Variants in CDH13 observed in about 807,000 individuals in gnomAD.
The protein encoded by CDH13 is cadherin 13, also known as cadherin-13.
Under a neutral mutation model 63.8 loss-of-function variants are expected in CDH13, and 24 were observed. The observed-to-expected ratio is 0.38, with a 90% CI of 0.27 to 0.53. The LOEUF (loss-of-function observed/expected upper bound fraction) is 0.53. CDH13 is among the 20% of genes least tolerant of loss of function. The probability of loss-of-function intolerance (pLI) is 0.85; values close to 1 mark genes in which losing one functional copy is unlikely to be tolerated. For missense variants in CDH13, 1,049 were observed against 903.1 expected (o/e 1.16, Z -2.07); for synonymous variants, 503 against 355.3 (o/e 1.42, Z -4.67).
At chr16:83,207,225 C>G (rs1364795479) in intron 4 of CDH13, among the ~76,000 whole-genome samples, 1 of 152,154 alleles carries the variant, frequency 6.6e-6, no homozygotes. Flanking sequence ...AACTCTATAC[C>G]CATTAAATGC....
intron 3 of CDH13, among the ~76,000 whole-genome samples, chr16:83,124,407 C>T (rs1361413063): frequency 1.3e-5 from 2 of 152,112 alleles, no homozygotes; most frequent in Admixed American, 6.5e-5. Flanking sequence ...GGATAATAGT[C>T]CTTTGTTGAA....
chr16:83,702,036 C>G (rs1265058298), intron 10 of CDH13, among the ~76,000 whole-genome samples: 1 of 152,170 alleles, frequency 6.6e-6, no homozygotes, highest in Non-Finnish European at 1.5e-5. Flanking sequence ...AAGCTCTTAG[C>G]ACAGTGTCTG....
intron 3 of CDH13, among the ~76,000 whole-genome samples, chr16:83,077,621 G>T (rs2032941406): frequency 6.6e-6 from 1 of 152,164 alleles, no homozygotes; most frequent in Non-Finnish European, 1.5e-5. Context: ...ATTGATGGAT[G>T]TCTGAGTTGG....
chr16:83,129,021 G>A (rs916916642), intron 4 of CDH13, among the ~76,000 whole-genome samples: 7 of 152,146 alleles, frequency 4.6e-5, no homozygotes, highest in South Asian at 2.1e-4. Context: ...TTGAAGGTAC[G>A]TATTTTCCTT....
chr16:83,192,371 C>T (rs2151756819), intron 4 of CDH13, among the ~76,000 whole-genome samples: 1 of 152,186 alleles, frequency 6.6e-6, no homozygotes, highest in Non-Finnish European at 1.5e-5. Flanking sequence ...AAAGGGTCTT[C>T]TCCTGCCTTG....
chr16:82,682,501 T>C (rs1019377350), intron 1 of CDH13, among the ~76,000 whole-genome samples: 1 of 152,248 alleles, frequency 6.6e-6, no homozygotes, highest in African/African-American at 2.4e-5. Context: ...ATTACATGTA[T>C]ACATTTACTT....
intron 8 of CDH13, among the ~76,000 whole-genome samples, chr16:83,612,890 A>G (rs1908977364): frequency 6.6e-6 from 1 of 152,028 alleles, no homozygotes; most frequent in Admixed American, 6.6e-5. Context: ...TACCCTTTGT[A>G]TTATTATTTA....
At chr16:83,262,201 G>A (rs1043423621) in intron 5 of CDH13, among the ~76,000 whole-genome samples, 3 of 152,176 alleles carry the variant, frequency 2.0e-5, no homozygotes, top group East Asian at 3.9e-4. Flanking sequence ...TGGAGACCTG[G>A]GCATGAGGTT....
chr16:83,087,038 A>G (rs2033635920), intron 3 of CDH13, among the ~76,000 whole-genome samples: 1 of 152,242 alleles, frequency 6.6e-6, no homozygotes, highest in Admixed American at 6.5e-5. Flanking sequence ...AAGGCTACCA[A>G]AGAAAATCCA....
chr16:83,372,044 C>A (rs140625792), intron 6 of CDH13, among the ~76,000 whole-genome samples: 3 of 152,294 alleles, frequency 2.0e-5, no homozygotes, highest in Non-Finnish European at 2.9e-5. Context: ...TCACGAGATG[C>A]TTCCTGATTT....
At chr16:82,777,248 C>T (rs890303290) in intron 1 of CDH13, among the ~76,000 whole-genome samples, 7 of 152,200 alleles carry the variant, frequency 4.6e-5, no homozygotes, top group Non-Finnish European at 7.3e-5. Context: ...GGATTACAGG[C>T]ACGAGCCACT....
intron 2 of CDH13, among the ~76,000 whole-genome samples, chr16:83,002,222 C>A (rs991987454): frequency 6.6e-6 from 1 of 152,212 alleles, no homozygotes; most frequent in Non-Finnish European, 1.5e-5. Context: ...CCTGGATTAT[C>A]TGGGTGAGCC....
chr16:82,791,798 G>C (rs2036319139), intron 1 of CDH13, among the ~76,000 whole-genome samples: 1 of 152,144 alleles, frequency 6.6e-6, no homozygotes, highest in Non-Finnish European at 1.5e-5. Flanking sequence ...TGGGCTCCGT[G>C]GTTTTCTTCT....
At chr16:83,145,207 G>A (rs1327230384) in intron 4 of CDH13, among the ~76,000 whole-genome samples, 3 of 152,276 alleles carry the variant, frequency 2.0e-5, no homozygotes, top group Admixed American at 6.5e-5. Context: ...GGTGCCATGA[G>A]CTGCAACGCC....
At chr16:83,375,673 G>T (rs1211753475) in intron 6 of CDH13, among the ~76,000 whole-genome samples, 1 of 152,176 alleles carries the variant, frequency 6.6e-6, no homozygotes, top group Non-Finnish European at 1.5e-5. Flanking sequence ...GTGAGGCTAG[G>T]GAGAAGGCAA....
At chr16:82,879,343 G>A (rs925834613) in intron 2 of CDH13, among the ~76,000 whole-genome samples, 6 of 151,250 alleles carry the variant, frequency 4.0e-5, no homozygotes, top group Admixed American at 1.3e-4. Flanking sequence ...GGCAAATGGT[G>A]GTTATTTCTA....
chr16:83,403,922 G>C (rs2092005588), intron 6 of CDH13, among the ~76,000 whole-genome samples: 1 of 152,200 alleles, frequency 6.6e-6, no homozygotes, highest in Admixed American at 6.5e-5. Context: ...GACTACACAA[G>C]AAGATATAAT....
At chr16:83,144,626 T>G (rs923132080) in intron 4 of CDH13, among the ~76,000 whole-genome samples, 2 of 152,246 alleles carry the variant, frequency 1.3e-5, no homozygotes, top group Non-Finnish European at 2.9e-5. Flanking sequence ...GCCCAGATCC[T>G]GCCAAAGGCA....
At chr16:82,747,695 G>C (rs2034239850) in intron 1 of CDH13, among the ~76,000 whole-genome samples, 1 of 140,330 alleles carries the variant, frequency 7.1e-6, no homozygotes, top group African/African-American at 2.5e-5. Context: ...AGAAATCTTA[G>C]AGGCTTTGAA....
Sources: allele counts gnomAD v4.1 joint callset (sites outside exome capture counted in the v4.1 genomes callset), GRCh38; gene constraint gnomAD v4.1.1; transcripts MANE v1.5; gene names NCBI Gene and HGNC (gene_info 2026-07-23, HGNC 2026-07-21).